GRIN2B: variants seen among roughly 807,000 people sequenced by gnomAD.
The protein encoded by GRIN2B is glutamate receptor ionotropic, NMDA 2B.
Under a neutral mutation model 114.5 loss-of-function variants are expected in GRIN2B, and 5 were observed. The observed-to-expected ratio is 0.04, with a 90% CI of 0.02 to 0.09. The LOEUF (loss-of-function observed/expected upper bound fraction) is 0.09, where lower values mean the gene tolerates loss of function less well. Among genes scored for constraint, GRIN2B ranks in the 10% least tolerant of loss-of-function variants. The pLI, the probability that GRIN2B is intolerant of heterozygous loss-of-function variation, is 1.00. For synonymous variants in GRIN2B, 787 were observed against 745.1 expected (o/e 1.06, Z -0.92); for missense variants, 1,108 against 1,943.5 (o/e 0.57, Z 8.08).
rs1303463887 is a variant in GRIN2B, at chr12:13,591,743, T to C, written c.2010+16860A>G. On this transcript the variant is annotated intron_variant, in intron 10 of 13. Coordinates refer to ENST00000609686, the MANE Select transcript of GRIN2B (RefSeq NM_000834.5). ...TGAATGAGGGCCATGGTTGCTAATA[T>C]TGCAAAAGAACACATAATACAAAGG... 3.3e-5 allele frequency among the ~76,000 whole-genome samples: 5 copies of C among 152,332 alleles called. No individual in the cohort carries two copies. In the East Asian group the frequency reaches 5.8e-4, roughly 18 times the overall value.
At chr12:13,853,553 C>A (rs142223630) in intron 3 of GRIN2B, among the ~76,000 whole-genome samples, 1 of 152,322 alleles carries the variant, frequency 6.6e-6, no homozygotes, top group East Asian at 1.9e-4. Context: ...TGATAAAAGT[C>A]TTGCTCTGCT....
chr12:13,664,090 G>A (rs1949951447), intron 5 of GRIN2B, among the ~76,000 whole-genome samples: 1 of 152,160 alleles, frequency 6.6e-6, no homozygotes, highest in South Asian at 2.1e-4. Flanking sequence ...CTGGGCAGAG[G>A]TGACCAAAAT....
chr12:13,971,201 A>G (rs1046647877), intron 2 of GRIN2B, among the ~76,000 whole-genome samples: 5 of 152,242 alleles, frequency 3.3e-5, no homozygotes, highest in Non-Finnish European at 7.3e-5. Context: ...ACCAAACACC[A>G]GAGTCCAAAC....
intron 3 of GRIN2B, among the ~76,000 whole-genome samples, chr12:13,758,998 A>AGTTTTTTTTTTTTTTTTTTTTTT (rs771891565): frequency 1.2e-5 from 1 of 85,600 alleles, no homozygotes; most frequent in Non-Finnish European, 2.2e-5. Context: ...ATCTAGTTCA[A>AGTTTTTTTTTTTTTTTTTTTTTT]TTTTTTTTTT....
At chr12:13,583,799 A>G (rs1948883118) in intron 10 of GRIN2B, among the ~76,000 whole-genome samples, 1 of 152,116 alleles carries the variant, frequency 6.6e-6, no homozygotes, top group Admixed American at 6.5e-5. Context: ...TGACGTTGGG[A>G]GGAATGTTTG....
chr12:13,702,985 A>G (rs1950325903), intron 4 of GRIN2B, among the ~76,000 whole-genome samples: 1 of 152,190 alleles, frequency 6.6e-6, no homozygotes, highest in Non-Finnish European at 1.5e-5. Context: ...TAGCATTTTT[A>G]TGATGTCAAT....
chr12:13,926,365 G>T (rs966162476), intron 2 of GRIN2B, among the ~76,000 whole-genome samples: 35 of 152,290 alleles, frequency 2.3e-4, no homozygotes, highest in African/African-American at 8.2e-4. Flanking sequence ...CTTGCCTGGT[G>T]TGTATCCTTA....
rs1381544753 is a variant in GRIN2B, at chr12:13,571,974, GAAAGACAGAT to G, written c.2011-20_2011-11del. On this transcript the variant is annotated splice_polypyrimidine_tract_variant and intron_variant, in intron 10 of 13. Transcript: ENST00000609686. ...CATTAGGTCTCTGGAACTGGAGAGA[GAAAGACAGAT>G]AGAGACAGAGCGGGAGATGGAGGGA... is the stretch of plus-strand genomic sequence containing the variant. The G allele has an allele frequency of 1.2e-6, 2 of 1,610,326 alleles. No individual in the cohort carries two copies. Among genetic ancestry groups the G allele is most frequent in the African/African-American group, 1.3e-5 (1 of 75,010 alleles).
intron 2 of GRIN2B, among the ~76,000 whole-genome samples, chr12:13,901,672 T>C (rs2136787926): frequency 6.6e-6 from 1 of 152,208 alleles, no homozygotes; most frequent in African/African-American, 2.4e-5. Flanking sequence ...ATTTTCCCAC[T>C]CTGTGATCTG....
rs185931634 is a variant in GRIN2B at position 13,900,430 on chromosome 12, A to G, written c.-18-34204T>C. ...GCGGAGGTTGCAGTGAGCAGAGATCACGCCATTGCACTCCAGCCTGGGCAA... is the reference window on the plus strand; with the variant it reads ...GCGGAGGTTGCAGTGAGCAGAGATCGCGCCATTGCACTCCAGCCTGGGCAA... On this transcript the variant is annotated intron_variant, in intron 2 of 13. Coordinates refer to ENST00000609686, the MANE Select transcript of GRIN2B (RefSeq NM_000834.5). Among the ~76,000 whole-genome samples, 771 of 152,026 alleles carry G rather than the reference A, an allele frequency of 5.1e-3. 3 individuals are homozygous for G. Among genetic ancestry groups the G allele is most frequent in the Middle Eastern group, 0.014 (4 of 294 alleles).
At chr12:13,926,295 C>T (rs927794341) in intron 2 of GRIN2B, among the ~76,000 whole-genome samples, 1 of 152,174 alleles carries the variant, frequency 6.6e-6, no homozygotes, top group Non-Finnish European at 1.5e-5. Flanking sequence ...ATCCCCCGTT[C>T]GTCACTTCCA....
At chr12:13,935,105 T>G (rs1028901282) in intron 2 of GRIN2B, among the ~76,000 whole-genome samples, 1 of 152,114 alleles carries the variant, frequency 6.6e-6, no homozygotes. Context: ...GAACAATTGG[T>G]CCATAGATGA....
intron 2 of GRIN2B, among the ~76,000 whole-genome samples, chr12:13,906,061 A>C (rs191517221): frequency 2.0e-5 from 3 of 152,342 alleles, no homozygotes; most frequent in Admixed American, 2.0e-4. Flanking sequence ...TTGGGTAAAC[A>C]GAGCTCCCAA....
At chr12:13,915,024 G>T (rs1202291423) in intron 2 of GRIN2B, among the ~76,000 whole-genome samples, 1 of 152,116 alleles carries the variant, frequency 6.6e-6, no homozygotes, top group African/African-American at 2.4e-5. Flanking sequence ...ATAATCTATT[G>T]TATATTTTCA....
Position 13,722,421 on chromosome 12 carries a change from G to T in GRIN2B, c.1010+30896C>A, listed in dbSNP as rs536998484. On this transcript the variant is annotated intron_variant, in intron 4 of 13. Coordinates refer to ENST00000609686, the MANE Select transcript of GRIN2B (RefSeq NM_000834.5). ...ATTCAAGATCTTTTGCTTTCTCAAG[G>T]ACTTTGCTATTTGTAAGAATTGGTC... Among the ~76,000 whole-genome samples the T allele has an allele frequency of 2.0e-5, 3 of 152,182 alleles. No individual in the cohort carries two copies. The East Asian group carries it at 5.8e-4, about 30-fold the overall frequency.
In GRIN2B at chr12:13,637,970, C is replaced by T. The variant is rs544066687; in HGVS notation, c.1126-21313G>A. ...TGACCTGCAAATAAGTGTTATGTGT[C>T]TGAGTGGCAAAGGGGATTTAAAAGA... On this transcript the variant is annotated intron_variant, in intron 5 of 13. Coordinates refer to ENST00000609686, the MANE Select transcript of GRIN2B (RefSeq NM_000834.5). Among the ~76,000 whole-genome samples, 6 of 152,184 alleles carry T rather than the reference C, an allele frequency of 3.9e-5. No homozygotes were observed. In the East Asian group the frequency reaches 1.2e-3, roughly 29 times the overall value.
chr12:13,930,014 T>C (rs61914319), intron 2 of GRIN2B, among the ~76,000 whole-genome samples: 11,157 of 151,864 alleles, frequency 0.073, 508 homozygotes, highest in Middle Eastern at 0.13. Flanking sequence ...TGAAACCCCA[T>C]CTCTACTAAC....
chr12:13,641,069 A>T (rs891398032), intron 5 of GRIN2B, among the ~76,000 whole-genome samples: 1 of 145,718 alleles, frequency 6.9e-6, no homozygotes, highest in Non-Finnish European at 1.5e-5. Context: ...TAATTGTATC[A>T]TGCTTATTAT....
At chr12:13,660,809 C>T (rs754839431) in intron 5 of GRIN2B, among the ~76,000 whole-genome samples, 9 of 152,132 alleles carry the variant, frequency 5.9e-5, no homozygotes, top group Non-Finnish European at 1.2e-4. Context: ...ATTAACTTCC[C>T]TTCGCTTCTA....
Sources: allele counts gnomAD v4.1 joint callset (sites outside exome capture counted in the v4.1 genomes callset), GRCh38; gene constraint gnomAD v4.1.1; transcripts MANE v1.5; gene names NCBI Gene and HGNC (gene_info 2026-07-23, HGNC 2026-07-21).